Variants in EFR3B observed in about 807,000 individuals in gnomAD.
EFR3B encodes the protein protein EFR3 homolog B.
A neutral mutation model predicts 104.7 loss-of-function variants in EFR3B; 64 were observed. That is an observed-to-expected ratio of 0.61 (90% CI 0.50 to 0.75). The LOEUF is 0.75. EFR3B is among the 30% of genes least tolerant of loss of function. The pLI is 0.00. For missense variants in EFR3B, 750 were observed against 1,078.5 expected, an observed-to-expected ratio of 0.70 and a Z score of 4.27; for synonymous variants, 385 against 417.9, an observed-to-expected ratio of 0.92 and a Z score of 0.96.
At chr2:25,142,413 C>T (rs1215648445) in intron 17 of EFR3B, among the ~76,000 whole-genome samples, 1 of 149,404 alleles carries the variant, frequency 6.7e-6, no homozygotes, top group Non-Finnish European at 1.5e-5. Flanking sequence ...CATGCCACTG[C>T]ACTCCAGCCT....
rs559808006 is a variant in EFR3B, at chr2:25,120,665, G to A, written c.364-1008G>A. Among the ~76,000 whole-genome samples, 427 of 143,948 alleles carry A rather than the reference G, an allele frequency of 3.0e-3. 1 individual carries two copies. The highest frequency in any genetic ancestry group is 0.012 in the African/African-American group (408 of 35,386). 94.4% of individuals were successfully genotyped at this position (143,948 alleles called of 152,430 possible). A position where few individuals can be genotyped will look rare whatever the true frequency, so the allele number is the denominator to read the frequency against. On this transcript the variant is annotated intron_variant, in intron 4 of 22. Coordinates refer to ENST00000403714, the MANE Select transcript of EFR3B (RefSeq NM_014971.2). ...CTCAAAAACAACAACAACAACAACA[G>A]CAACAAAAGCCCTGTAAGAATCATA...
At chr2:25,071,307 C>T (rs1372843265) in intron 1 of EFR3B, among the ~76,000 whole-genome samples, 1 of 146,182 alleles carries the variant, frequency 6.8e-6, no homozygotes, top group Non-Finnish European at 1.5e-5. Flanking sequence ...GTTGCCCAGG[C>T]TGGAGTGCAG....
rs199750318 is a variant in EFR3B at position 25,113,667 on chromosome 2, C to CA, written c.364-7991dup. On this transcript the variant is annotated intron_variant, in intron 4 of 22. Coordinates refer to ENST00000403714, the MANE Select transcript of EFR3B (RefSeq NM_014971.2). The stretch of plus-strand genomic sequence containing the variant: ...TGGACAACAGAGTGAGACTCTGTCT[C>CA]AAAAAAAAAAAAAAAGAAAAGAAAA... 3.8e-3 allele frequency among the ~76,000 whole-genome samples: 379 copies of CA among 100,188 alleles called. 2 individuals carry two copies. The highest frequency in any genetic ancestry group is 6.2e-3 in the Middle Eastern group (1 of 162). The allele number at this position is 100,188 out of a possible 152,430, so 65.7% of individuals were successfully genotyped here.
chr2:25,068,191 G>T (rs1424584406), intron 1 of EFR3B, among the ~76,000 whole-genome samples: 3 of 152,280 alleles, frequency 2.0e-5, no homozygotes, highest in Admixed American at 2.0e-4. Flanking sequence ...GCTGATGTGT[G>T]TATGAGCCAT....
rs1670663131 is a variant in EFR3B, at chr2:25,141,430, C to G, written c.1919C>G (p.Pro640Arg). 6.4e-7 allele frequency: 1 copy of G among 1,550,994 alleles called. No individual in the cohort carries two copies. Among genetic ancestry groups the G allele is most frequent in the African/African-American group, 1.4e-5 (1 of 72,970 alleles). Reference protein sequence around the residue: ...MLPEDVFVERPRLSQNLDGVV... With the variant: ...MLPEDVFVERRRLSQNLDGVV... ...CCCGAGGATGTGTTTGTGGAGAGGC[C>G]CAGGTGAGGAGAGGACGGGGGACGT... Residue 640 changes from proline to arginine, a missense_variant, in exon 17 of 23, where the codon CCC (proline) becomes CGC (arginine). Coordinates refer to ENST00000403714, the MANE Select transcript of EFR3B (RefSeq NM_014971.2).
Position 25,150,561 on chromosome 2 carries a change from A to AGG in EFR3B, c.2191+819_2191+820insGG, listed in dbSNP as rs570605368. ...ATGCCTGTAAATGCCAAACTTTTAA[A>AGG]TTTTTGTCATCATTAATGATAGTCT... is the stretch of plus-strand genomic sequence containing the variant. On this transcript the variant is annotated intron_variant, in intron 20 of 22. Transcript: ENST00000403714. Among the ~76,000 whole-genome samples the AGG allele has an allele frequency of 3.2e-3, 479 of 151,410 alleles. 1 individual carries two copies. Among genetic ancestry groups the AGG allele is most frequent in the African/African-American group, 0.011 (463 of 41,272 alleles).
At chr2:25,052,120 C>T (rs1161432621) in intron 1 of EFR3B, among the ~76,000 whole-genome samples, 5 of 151,338 alleles carry the variant, frequency 3.3e-5, no homozygotes, top group African/African-American at 7.3e-5. Context: ...CACCTGAACC[C>T]GGGAGGCGGA....
chr2:25,150,160 G>A (rs576942629), intron 20 of EFR3B, among the ~76,000 whole-genome samples: 13 of 152,142 alleles, frequency 8.5e-5, no homozygotes, highest in Admixed American at 1.3e-4. Flanking sequence ...AAATTAGCCA[G>A]GCATGGTGGC....
chr2:25,141,464 AT>A, intron 17 of EFR3B, 31 bp downstream of exon 17: 1 of 1,549,664 alleles, frequency 6.5e-7, no homozygotes, highest in Non-Finnish European at 8.7e-7. Flanking sequence ...GTGGTCAGGG[AT>A]CCCCAGGGCA....
At position 25,152,052 on chromosome 2, in the gene EFR3B, G is replaced by C. The variant is rs1573242125; in HGVS notation, c.2298+32G>C. On this transcript the variant is annotated intron_variant, in intron 21 of 22. Coordinates refer to ENST00000403714, the MANE Select transcript of EFR3B (RefSeq NM_014971.2). The stretch of plus-strand genomic sequence containing the variant: ...GAAGCATGACATGGGCGAGTCCCTG[G>C]GAGCCAAGTCAAGACTGAATTTGGG... The C allele has an allele frequency of 1.9e-6, 3 of 1,548,058 alleles. No individual in the cohort carries two copies. The East Asian group carries it at 7.3e-5, about 38-fold the overall frequency.
intron 4 of EFR3B, among the ~76,000 whole-genome samples, chr2:25,104,590 C>A (rs899714940): frequency 6.6e-6 from 1 of 152,188 alleles, no homozygotes; most frequent in African/African-American, 2.4e-5. Context: ...AGGGCTCTCA[C>A]CACTCAGCAC....
At chr2:25,083,054 T>C (rs1668853697) in intron 1 of EFR3B, among the ~76,000 whole-genome samples, 1 of 152,234 alleles carries the variant, frequency 6.6e-6, no homozygotes, top group Non-Finnish European at 1.5e-5. Flanking sequence ...AAATCATGTG[T>C]CATTGAACAT....
intron 3 of EFR3B, among the ~76,000 whole-genome samples, chr2:25,101,699 G>A (rs956235209): frequency 1.3e-5 from 2 of 152,160 alleles, no homozygotes; most frequent in African/African-American, 4.8e-5. Flanking sequence ...TCACCTCACA[G>A]CAAGAGAGAC....
intron 4 of EFR3B, among the ~76,000 whole-genome samples, chr2:25,113,887 A>G (rs1281108325): frequency 6.6e-6 from 1 of 152,042 alleles, no homozygotes; most frequent in Non-Finnish European, 1.5e-5. Context: ...TATTTGAAAG[A>G]CAGGGAAACT....
At chr2:25,043,768 C>T (rs1667642684) in intron 1 of EFR3B, among the ~76,000 whole-genome samples, 1 of 147,178 alleles carries the variant, frequency 6.8e-6, no homozygotes, top group Non-Finnish European at 1.5e-5. Flanking sequence ...TATTTTTTTA[C>T]TCTCTCTGTT....
chr2:25,078,078 A>G (rs1224255657), intron 1 of EFR3B, among the ~76,000 whole-genome samples: 2 of 152,090 alleles, frequency 1.3e-5, no homozygotes, highest in Non-Finnish European at 2.9e-5. Context: ...CCTTGACCTT[A>G]AATGTGTGCA....
chr2:25,054,276 G>T (rs190421119), intron 1 of EFR3B, among the ~76,000 whole-genome samples: 2 of 152,226 alleles, frequency 1.3e-5, no homozygotes, highest in Admixed American at 1.3e-4. Flanking sequence ...GACTTATATT[G>T]CAGGACACTG....
At chr2:25,144,714 T>G (rs1013296933) in intron 18 of EFR3B, among the ~76,000 whole-genome samples, 6 of 152,252 alleles carry the variant, frequency 3.9e-5, no homozygotes, top group African/African-American at 1.4e-4. Flanking sequence ...AAGCACCTTC[T>G]TTGTGTTCTC....
chr2:25,045,906 C>T (rs776221170), intron 1 of EFR3B, among the ~76,000 whole-genome samples: 3 of 152,178 alleles, frequency 2.0e-5, no homozygotes, highest in Non-Finnish European at 4.4e-5. Flanking sequence ...ATTAGGGCAG[C>T]CAGCTAGGAG....
Sources: allele counts gnomAD v4.1 joint callset (sites outside exome capture counted in the v4.1 genomes callset), GRCh38; gene constraint gnomAD v4.1.1; transcripts MANE v1.5; gene names NCBI Gene and HGNC (gene_info 2026-07-23, HGNC 2026-07-21).